Variants in CTNNA2 observed in about 807,000 individuals in gnomAD.
CTNNA2 encodes catenin alpha 2.
Under a neutral mutation model 101.0 loss-of-function variants are expected in CTNNA2, and 42 were observed. That is an observed-to-expected ratio of 0.42 (90% CI 0.32 to 0.54). The LOEUF is 0.54. CTNNA2 is among the 20% of genes least tolerant of loss of function. The pLI, the probability that CTNNA2 is intolerant of heterozygous loss-of-function variation, is 0.14. For missense variants in CTNNA2, 871 were observed against 1,223.1 expected (o/e 0.71, Z 4.29); for synonymous variants, 450 against 456.4 (o/e 0.99, Z 0.18).
chr2:80,284,155 T>A (rs937481635), intron 7 of CTNNA2, among the ~76,000 whole-genome samples: 3 of 152,122 alleles, frequency 2.0e-5, no homozygotes, highest in Non-Finnish European at 4.4e-5. Flanking sequence ...TAATACAGAT[T>A]TCATGTTTTA....
chr2:79,582,709 C>T lies in CTNNA2; in HGVS notation c.-5-68843C>T, dbSNP rs369321623. On this transcript the variant is annotated intron_variant, in intron 1 of 18. Coordinates refer to ENST00000402739, the MANE Select transcript of CTNNA2 (RefSeq NM_001282597.3). ...CCACATATTGCATGTGCCATATCTTCTAGGTTTTTCTGCCTTCTTCCCTCT... is the reference window on the plus strand; with the variant it reads ...CCACATATTGCATGTGCCATATCTTTTAGGTTTTTCTGCCTTCTTCCCTCT... Among the ~76,000 whole-genome samples, 67 of 152,212 alleles carry T rather than the reference C, an allele frequency of 4.4e-4. No individual in the cohort carries two copies. In the South Asian group the frequency reaches 0.014, roughly 31 times the overall value.
chr2:79,642,685 A>G (rs1680526488), intron 1 of CTNNA2, among the ~76,000 whole-genome samples: 1 of 152,050 alleles, frequency 6.6e-6, no homozygotes, highest in Non-Finnish European at 1.5e-5. Context: ...CCATTTGGAC[A>G]TGGTGTTGTC....
intron 7 of CTNNA2, among the ~76,000 whole-genome samples, chr2:80,007,577 C>T (rs938724724): frequency 1.3e-5 from 2 of 152,084 alleles, no homozygotes; most frequent in Non-Finnish European, 2.9e-5. Flanking sequence ...AAACAAGACC[C>T]CTTTCCCTGC....
In CTNNA2 at chr2:79,427,138, G is replaced by A. The variant is rs181346870; in HGVS notation, c.-135+53125G>A. On this transcript the variant is annotated intron_variant, in intron 4 of 21. Coordinates refer to the CTNNA2 transcript ENST00000466387. ...CTGAGGACAGGTTGCAATAACACCT[G>A]CTATAAGCAAATGAACAACACAATG... Among the ~76,000 whole-genome samples the A allele has an allele frequency of 9.9e-5, 15 of 152,028 alleles. No individual in the cohort carries two copies. The East Asian group carries it at 2.7e-3, about 27-fold the overall frequency.
At chr2:79,927,652 T>A (rs1164999912) in intron 7 of CTNNA2, among the ~76,000 whole-genome samples, 2 of 152,210 alleles carry the variant, frequency 1.3e-5, no homozygotes, top group Non-Finnish European at 2.9e-5. Flanking sequence ...ATTGACAATA[T>A]TTTTTGAAGA....
intron 18 of CTNNA2, among the ~76,000 whole-genome samples, chr2:80,626,482 T>G (rs1671696009): frequency 1.3e-5 from 2 of 152,086 alleles, no homozygotes. Flanking sequence ...TTCTTCAGTT[T>G]CCACTTTCAT....
intron 9 of CTNNA2, among the ~76,000 whole-genome samples, chr2:80,541,992 C>T (rs750644381): frequency 6.0e-5 from 9 of 150,928 alleles, no homozygotes; most frequent in Non-Finnish European, 8.8e-5. Flanking sequence ...AAACTAATGG[C>T]GAATCTTGTT....
chr2:79,515,735 A>G (rs1357616732), intron 1 of CTNNA2, among the ~76,000 whole-genome samples: 4 of 152,244 alleles, frequency 2.6e-5, no homozygotes, highest in African/African-American at 4.8e-5. Context: ...CTCCTTGACT[A>G]TAATCCAGTT....
intron 7 of CTNNA2, among the ~76,000 whole-genome samples, chr2:80,049,825 A>AT (rs983941822): frequency 1.3e-5 from 2 of 151,950 alleles, no homozygotes; most frequent in South Asian, 2.1e-4. Flanking sequence ...CTCTTTTTGA[A>AT]TTTTTTTTCC....
At chr2:80,182,770 A>ACTCCTC (rs1705863132) in intron 7 of CTNNA2, among the ~76,000 whole-genome samples, 1 of 152,170 alleles carries the variant, frequency 6.6e-6, no homozygotes, top group Non-Finnish European at 1.5e-5. Context: ...GCAGTTGAGG[A>ACTCCTC]CAGAGGTTTC....
intron 7 of CTNNA2, among the ~76,000 whole-genome samples, chr2:79,911,132 C>T (rs1358034257): frequency 6.6e-6 from 1 of 152,184 alleles, no homozygotes; most frequent in Non-Finnish European, 1.5e-5. Context: ...CATGGTATTA[C>T]GTAGGGTGCA....
intron 3 of CTNNA2, among the ~76,000 whole-genome samples, chr2:79,345,768 C>T (rs927234780): frequency 3.3e-5 from 5 of 152,000 alleles, no homozygotes; most frequent in African/African-American, 1.2e-4. Context: ...TTTCGACTCA[C>T]TGCAACCTCC....
intron 2 of CTNNA2, among the ~76,000 whole-genome samples, chr2:79,666,671 C>A (rs1682442730): frequency 1.3e-5 from 2 of 152,130 alleles, no homozygotes; most frequent in South Asian, 4.1e-4. Flanking sequence ...ATTCTTTTTG[C>A]ATTGAGACTG....
intron 4 of CTNNA2, among the ~76,000 whole-genome samples, chr2:79,867,547 C>T (rs1682229712): frequency 6.6e-6 from 1 of 152,136 alleles, no homozygotes; most frequent in Non-Finnish European, 1.5e-5. Flanking sequence ...CTTCTTAGAT[C>T]CTTCTGGATT....
intron 7 of CTNNA2, among the ~76,000 whole-genome samples, chr2:79,982,421 A>G (rs1418251898): frequency 1.4e-5 from 2 of 147,918 alleles, no homozygotes; most frequent in African/African-American, 2.5e-5. Context: ...CACATATATA[A>G]CACATATATA....
chr2:79,339,145 T>C (rs1007359531), intron 3 of CTNNA2, among the ~76,000 whole-genome samples: 2 of 152,104 alleles, frequency 1.3e-5, no homozygotes, highest in Non-Finnish European at 2.9e-5. Context: ...CAGGGGATGT[T>C]CTAGCACTGA....
In CTNNA2 at chr2:79,592,136, T is replaced by C. The variant is rs1676898214; in HGVS notation, c.-5-59416T>C. On this transcript the variant is annotated intron_variant, in intron 1 of 18. Transcript: ENST00000402739. ...ACTTCTTTTTGCTTTTTTTTTTTTT[T>C]TGAGATGGAATTTTGCTCTTGTTGC... Among the ~76,000 whole-genome samples the C allele has an allele frequency of 2.7e-5, 4 of 150,534 alleles. No homozygotes were observed. In the South Asian group the frequency reaches 8.4e-4, roughly 31 times the overall value.
intron 7 of CTNNA2, among the ~76,000 whole-genome samples, chr2:80,293,674 GT>G (rs1675469881): frequency 6.6e-6 from 1 of 152,126 alleles, no homozygotes; most frequent in African/African-American, 2.4e-5. Context: ...CCTTGTTTAA[GT>G]TGCAAAAATC....
intron 7 of CTNNA2, among the ~76,000 whole-genome samples, chr2:80,057,237 C>A (rs374438739): frequency 6.6e-6 from 1 of 151,332 alleles, no homozygotes; most frequent in African/African-American, 2.4e-5. Context: ...TAGACCTCCC[C>A]CTGCCATACC....
Sources: allele counts gnomAD v4.1 joint callset (sites outside exome capture counted in the v4.1 genomes callset), GRCh38; gene constraint gnomAD v4.1.1; transcripts MANE v1.5; gene names NCBI Gene and HGNC (gene_info 2026-07-23, HGNC 2026-07-21).